L3MBTL3: variants seen among roughly 807,000 people sequenced by gnomAD.
L3MBTL3 encodes the protein lethal(3)malignant brain tumor-like protein 3.
In L3MBTL3, 27 loss-of-function variants were observed where a neutral mutation model predicts 102.3. The observed-to-expected ratio is 0.26, with a 90% CI of 0.19 to 0.36. L3MBTL3 has a LOEUF of 0.36. Among genes scored for constraint, L3MBTL3 ranks in the 10% least tolerant of loss-of-function variants. The pLI is 1.00. For missense variants in L3MBTL3, 798 were observed against 955.3 expected, an observed-to-expected ratio of 0.84 and a Z score of 2.17; for synonymous variants, 340 against 320.9, an observed-to-expected ratio of 1.06 and a Z score of -0.64.
intron 11 of L3MBTL3, 42 bp downstream of exon 11, chr6:130,066,530 C>T (rs1449583158): frequency 3.2e-6 from 5 of 1,558,364 alleles, no homozygotes; most frequent in Non-Finnish European, 4.4e-6. Context: ...TCAGTAAAAA[C>T]TCATTTTCTT....
intron 20 of L3MBTL3, among the ~76,000 whole-genome samples, chr6:130,123,555 T>C (rs1439833862): frequency 6.6e-6 from 1 of 152,182 alleles, no homozygotes; most frequent in Non-Finnish European, 1.5e-5. Context: ...AAAATCAATG[T>C]AATTTTTCTT....
Position 130,139,910 on chromosome 6 carries a change from ATTC to A in L3MBTL3, c.*160_*162del. The A allele has an allele frequency of 1.5e-6, 1 of 655,032 alleles. No individual in the cohort carries two copies. The highest frequency in any genetic ancestry group is 1.9e-5 in the South Asian group (1 of 52,230). 40.6% of individuals were successfully genotyped at this position (655,032 alleles called of 1,614,324 possible). A position where few individuals can be genotyped will look rare whatever the true frequency, so the allele number is the denominator to read the frequency against. Reference sequence around the variant, plus strand: ...ATTACTCAAGAGACAATATATATGAATTCTTATGAAAGTGCTTGAGCTTTTAAC... The same window carrying A: ...ATTACTCAAGAGACAATATATATGAATTATGAAAGTGCTTGAGCTTTTAAC... On this transcript the variant is annotated 3_prime_UTR_variant, in exon 23 of 23. Transcript: ENST00000361794.
Position 130,108,220 on chromosome 6 carries a change from GT to G in L3MBTL3, c.1886+3655del, listed in dbSNP as rs376419261. Among the ~76,000 whole-genome samples the G allele has an allele frequency of 3.7e-4, 44 of 118,714 alleles. No individual in the cohort carries two copies. The East Asian group carries it at 5.6e-3, about 15-fold the overall frequency. The allele number at this position is 118,714 out of a possible 152,430, so 77.9% of individuals were successfully genotyped here. ...ATAAGCCCTCAATAAATGTTAGGTG[GT>G]TTTTTTTTTGTTTTTTTTTTTTTTT... On this transcript the variant is annotated intron_variant, in intron 19 of 22. Coordinates refer to ENST00000361794, the MANE Select transcript of L3MBTL3 (RefSeq NM_032438.4).
chr6:130,085,703 A>G (rs887616283), intron 15 of L3MBTL3, among the ~76,000 whole-genome samples: 2 of 152,060 alleles, frequency 1.3e-5, no homozygotes, highest in Non-Finnish European at 2.9e-5. Context: ...AACCATTTAA[A>G]ATTTTTCTGT....
intron 16 of L3MBTL3, among the ~76,000 whole-genome samples, chr6:130,088,377 T>C (rs1783822731): frequency 6.6e-6 from 1 of 152,068 alleles, no homozygotes; most frequent in East Asian, 1.9e-4. Flanking sequence ...ATCTAATAAG[T>C]GGGAGATTAG....
Position 130,139,849 on chromosome 6 carries a change from C to CA in L3MBTL3, c.*100dup. The CA allele has an allele frequency of 9.0e-7, 1 of 1,108,324 alleles. No homozygotes were observed. The highest frequency in any genetic ancestry group is 1.4e-5 in the South Asian group (1 of 72,442). 68.7% of individuals were successfully genotyped at this position (1,108,324 alleles called of 1,614,324 possible). On this transcript the variant is annotated 3_prime_UTR_variant, in exon 23 of 23. Coordinates refer to ENST00000361794, the MANE Select transcript of L3MBTL3 (RefSeq NM_032438.4). ...TTATAACTCCTAAGTGAGAAGTCTCCAAAACTCAAAAGAGCAACACTATCG... is the reference window on the plus strand; with the variant it reads ...TTATAACTCCTAAGTGAGAAGTCTCCAAAAACTCAAAAGAGCAACACTATCG...
intron 19 of L3MBTL3, among the ~76,000 whole-genome samples, chr6:130,119,533 C>T (rs899073157): frequency 2.0e-5 from 3 of 152,134 alleles, no homozygotes; most frequent in African/African-American, 7.2e-5. Flanking sequence ...CAGTGATACT[C>T]TTACATTTGT....
At chr6:130,071,738 C>A (rs1782651812) in intron 13 of L3MBTL3, among the ~76,000 whole-genome samples, 4 of 152,012 alleles carry the variant, frequency 2.6e-5, no homozygotes, top group Admixed American at 2.6e-4. Context: ...TAACAGATAT[C>A]TTTATAAAAT....
At chr6:130,078,901 A>T (rs1224860223) in intron 14 of L3MBTL3, among the ~76,000 whole-genome samples, 2 of 152,094 alleles carry the variant, frequency 1.3e-5, no homozygotes, top group African/African-American at 4.8e-5. Flanking sequence ...ACTTTCAACT[A>T]TATTAAGTAT....
At chr6:130,075,236 C>A (rs1782876049) in intron 13 of L3MBTL3, among the ~76,000 whole-genome samples, 1 of 151,998 alleles carries the variant, frequency 6.6e-6, no homozygotes, top group Admixed American at 6.6e-5. Context: ...ATTTTTAGAA[C>A]CAACCACTTG....
chr6:130,053,417 C>T (rs924440260), intron 7 of L3MBTL3, among the ~76,000 whole-genome samples: 32 of 152,066 alleles, frequency 2.1e-4, no homozygotes, highest in Non-Finnish European at 4.6e-4. Flanking sequence ...CGGCAGATCA[C>T]GAGGTCGGGA....
At chr6:130,085,206 T>A (rs912144807) in intron 15 of L3MBTL3, among the ~76,000 whole-genome samples, 16 of 152,214 alleles carry the variant, frequency 1.1e-4, no homozygotes, top group African/African-American at 3.9e-4. Flanking sequence ...CCTAACATTA[T>A]GCCAAACAAT....
chr6:130,106,805 T>C (rs1379977394), intron 19 of L3MBTL3, among the ~76,000 whole-genome samples: 1 of 152,218 alleles, frequency 6.6e-6, no homozygotes, highest in Non-Finnish European at 1.5e-5. Flanking sequence ...AACCTTAACT[T>C]TGAGTGTAAC....
intron 20 of L3MBTL3, among the ~76,000 whole-genome samples, chr6:130,127,625 G>A (rs1410625592): frequency 6.6e-6 from 1 of 152,062 alleles, no homozygotes; most frequent in South Asian, 2.1e-4. Flanking sequence ...TGCTTTTTTA[G>A]AGGGATGAAA....
At chr6:130,093,166 TA>T (rs1386750219) in intron 17 of L3MBTL3, among the ~76,000 whole-genome samples, 2 of 152,200 alleles carry the variant, frequency 1.3e-5, no homozygotes, top group South Asian at 2.1e-4. Context: ...ATTGTTTCAA[TA>T]TTAGTATTCT....
At chr6:130,095,651 C>T (rs766747698) in intron 18 of L3MBTL3, among the ~76,000 whole-genome samples, 1 of 152,108 alleles carries the variant, frequency 6.6e-6, no homozygotes, top group Non-Finnish European at 1.5e-5. Flanking sequence ...TAGAATACCA[C>T]AGACTGGGTA....
chr6:130,083,746 T>C (rs1468533854), intron 15 of L3MBTL3, 41 bp downstream of exon 15: 1 of 1,018,180 alleles, frequency 9.8e-7, no homozygotes, highest in Non-Finnish European at 1.5e-6. Context: ...GATGAGATCA[T>C]TTATTTATTG....
chr6:130,079,775 G>C (rs1189260704), intron 14 of L3MBTL3, among the ~76,000 whole-genome samples: 1 of 152,114 alleles, frequency 6.6e-6, no homozygotes, highest in African/African-American at 2.4e-5. Context: ...TTGATACAGT[G>C]TCTCACTTAG....
At chr6:130,034,243 C>T (rs1007531907) in intron 2 of L3MBTL3, among the ~76,000 whole-genome samples, 8 of 152,080 alleles carry the variant, frequency 5.3e-5, no homozygotes, top group African/African-American at 1.9e-4. Context: ...AAATGAGATA[C>T]AGTAGATTCT....
Sources: allele counts gnomAD v4.1 joint callset (sites outside exome capture counted in the v4.1 genomes callset), GRCh38; gene constraint gnomAD v4.1.1; transcripts MANE v1.5; gene names NCBI Gene and HGNC (gene_info 2026-07-23, HGNC 2026-07-21).